The following TTC7A variants were observed in gnomAD, a reference collection of about 807,000 sequenced individuals.
TTC7A encodes tetratricopeptide repeat domain 7A.
TTC7A carries 110 observed loss-of-function variants against 103.7 expected under a neutral mutation model. The ratio of observed to expected loss-of-function variants is 1.06; its 90% CI spans 0.91 to 1.24. TTC7A has a LOEUF of 1.24. Ranked by LOEUF, TTC7A falls within the 50% of genes most tolerant of loss-of-function variation. The pLI is 0.00. For synonymous variants in TTC7A, 521 were observed against 467.9 expected (o/e 1.11, Z -1.47); for missense variants, 1,340 against 1,116.3 (o/e 1.20, Z -2.86).
At position 47,024,371 on chromosome 2, in the gene TTC7A, G is replaced by C. The variant is rs11885389; in HGVS notation, c.1641+12G>C. 241,463 of 1,600,728 alleles carry C rather than the reference G, an allele frequency of 0.15. 18,813 individuals are homozygous for C. The highest frequency in any genetic ancestry group is 0.2 in the African/African-American group (14,703 of 74,150). ...CCCTCGTCCGACAGGTGGGTTGTCC[G>C]TGTTCCTAACCCCCGGGTCCTCGGG... On this transcript the variant is annotated intron_variant, in intron 14 of 19. Transcript: ENST00000319190.
At position 47,073,781 on chromosome 2, in the gene TTC7A, G is replaced by A. The variant is rs866127948; in HGVS notation, c.2435G>A (p.Cys812Tyr). ...LRDAVERQST[C>Y]HEAWQGLGEV... The stretch of plus-strand genomic sequence containing the variant: ...GATGCCGTGGAGAGGCAGAGTACGT[G>A]CCACGAGGCGTGGCAGGGCCTGGGC... The change falls in exon 20 of 20, where the codon TGC (cysteine) becomes TAC (tyrosine). Residue 812 changes from cysteine to tyrosine, a missense_variant. Transcript: ENST00000319190. 11 of 1,613,702 alleles carry A rather than the reference G, an allele frequency of 6.8e-6. No individual in the cohort carries two copies. Among genetic ancestry groups the A allele is most frequent in the African/African-American group, 4.0e-5 (3 of 74,926 alleles).
At chr2:47,032,987 G>A (rs1680730261) in intron 15 of TTC7A, among the ~76,000 whole-genome samples, 1 of 152,058 alleles carries the variant, frequency 6.6e-6, no homozygotes, top group African/African-American at 2.4e-5. Context: ...TGACCATAGG[G>A]TATGACCATT....
intron 5 of TTC7A, among the ~76,000 whole-genome samples, chr2:46,988,639 C>G (rs963975033): frequency 1.3e-5 from 2 of 152,228 alleles, no homozygotes; most frequent in African/African-American, 2.4e-5. Flanking sequence ...GAATACTTGG[C>G]TAATCTCTAT....
chr2:47,041,945 A>G (rs1201507453), intron 15 of TTC7A, among the ~76,000 whole-genome samples: 1 of 152,114 alleles, frequency 6.6e-6, no homozygotes, highest in Non-Finnish European at 1.5e-5. Flanking sequence ...TTAATTATAT[A>G]CGTATGCACA....
chr2:47,003,395 AAGGTGTCC>A (rs1333417057), intron 8 of TTC7A, among the ~76,000 whole-genome samples: 1 of 152,132 alleles, frequency 6.6e-6, no homozygotes, highest in Non-Finnish European at 1.5e-5. Flanking sequence ...GAGGAGGTAG[AAGGTGTCC>A]AGGTTGATAG....
chr2:47,035,817 C>G (rs1681040179), intron 15 of TTC7A, among the ~76,000 whole-genome samples: 1 of 152,166 alleles, frequency 6.6e-6, no homozygotes, highest in Admixed American at 6.5e-5. Context: ...CAAGACAAAG[C>G]CTTTTTGCGC....
intron 15 of TTC7A, among the ~76,000 whole-genome samples, chr2:47,033,934 G>A (rs1680836836): frequency 6.6e-6 from 1 of 152,204 alleles, no homozygotes; most frequent in Non-Finnish European, 1.5e-5. Flanking sequence ...GGCTGCACAA[G>A]AAGTCGCCAC....
intron 3 of TTC7A, chr2:46,974,581 G>C: frequency 4.5e-6 from 2 of 444,840 alleles, no homozygotes; most frequent in East Asian, 6.9e-5. Context: ...AAAGGTTATT[G>C]CATTTCTAAA....
At chr2:46,949,922 A>G (rs1004284818) in intron 1 of TTC7A, among the ~76,000 whole-genome samples, 4 of 152,226 alleles carry the variant, frequency 2.6e-5, no homozygotes, top group Non-Finnish European at 5.9e-5. Context: ...AAAACCAATT[A>G]TGGTTACATA....
chr2:46,944,639 C>G (rs917748344), intron 1 of TTC7A, among the ~76,000 whole-genome samples: 1 of 152,090 alleles, frequency 6.6e-6, no homozygotes, highest in African/African-American at 2.4e-5. Flanking sequence ...GGGAGGATCA[C>G]TTGAGGCCAG....
At chr2:47,044,427 G>C (rs1682088088) in intron 15 of TTC7A, among the ~76,000 whole-genome samples, 1 of 152,178 alleles carries the variant, frequency 6.6e-6, no homozygotes, top group Non-Finnish European at 1.5e-5. Context: ...AGAGTACAGT[G>C]GCAAGACCAG....
intron 19 of TTC7A, chr2:47,071,234 G>C (rs1450239409): frequency 6.6e-6 from 1 of 152,278 alleles, no homozygotes; most frequent in African/African-American, 2.4e-5. Flanking sequence ...TCAGGGGCAG[G>C]TGGCAGAAGA....
chr2:47,002,361 A>G (rs1377456525), intron 8 of TTC7A, among the ~76,000 whole-genome samples: 2 of 152,218 alleles, frequency 1.3e-5, no homozygotes, highest in Non-Finnish European at 2.9e-5. Context: ...AACAGTGAGG[A>G]AGAGACGGTG....
intron 19 of TTC7A, among the ~76,000 whole-genome samples, chr2:47,070,062 G>GC (rs11428444): frequency 0.81 from 122,584 of 152,250 alleles, 49,574 homozygotes; most frequent in East Asian, 0.94. Context: ...CCCAGGGCAG[G>GC]CCCCCCTCAA....
At chr2:47,035,444 G>A (rs1681004700) in intron 15 of TTC7A, 1 of 152,264 alleles carries the variant, frequency 6.6e-6, no homozygotes, top group African/African-American at 2.4e-5. Context: ...CCAAAGGTCA[G>A]TTCCTCATTA....
At chr2:47,022,607 C>T (rs919622961) in intron 12 of TTC7A, among the ~76,000 whole-genome samples, 9 of 152,062 alleles carry the variant, frequency 5.9e-5, no homozygotes, top group African/African-American at 9.7e-5. Flanking sequence ...AGTGACGGGC[C>T]GCCACCCAGA....
chr2:47,000,816 G>A (rs1676732482), intron 8 of TTC7A, among the ~76,000 whole-genome samples: 1 of 152,168 alleles, frequency 6.6e-6, no homozygotes, highest in African/African-American at 2.4e-5. Context: ...TCAGGGCCTT[G>A]GACTTGTTGC....
chr2:46,941,841 G>C lies in TTC7A; in HGVS notation c.184+116G>C, dbSNP rs1670432243. 1 of 1,368,354 alleles carries C rather than the reference G, an allele frequency of 7.3e-7. No individual in the cohort carries two copies. The highest frequency in any genetic ancestry group is 1.0e-6 in the Non-Finnish European group (1 of 997,700). The allele number at this position is 1,368,354 out of a possible 1,614,324, so 84.8% of individuals were successfully genotyped here. On this transcript the variant is annotated intron_variant, in intron 1 of 19. Coordinates refer to ENST00000319190, the MANE Select transcript of TTC7A (RefSeq NM_020458.4). This position sits in a 1 kb window ranked among gnomAD's most constrained non-coding sequence, Gnocchi z 4.2. ...CAGCGGGCGCCTGCCAGCCCACCGT[G>C]CTAGTCTTAAGAGCAGCCAGGGCAG...
intron 2 of TTC7A, among the ~76,000 whole-genome samples, chr2:46,954,471 G>A (rs1374296391): frequency 2.0e-5 from 3 of 151,230 alleles, no homozygotes; most frequent in Non-Finnish European, 4.4e-5. Context: ...AAAAATAGCA[G>A]CAAAATGATA....
Sources: allele counts gnomAD v4.1 joint callset (sites outside exome capture counted in the v4.1 genomes callset), GRCh38; gene constraint gnomAD v4.1.1; non-coding constraint Gnocchi (gnomAD v3.1); transcripts MANE v1.5; gene names NCBI Gene and HGNC (gene_info 2026-07-23, HGNC 2026-07-21).